FAM167A: variants seen among roughly 807,000 people sequenced by gnomAD.
The protein encoded by FAM167A is family with sequence similarity 167 member A.
Under a neutral mutation model 14.9 loss-of-function variants are expected in FAM167A, and 23 were observed. The observed-to-expected ratio is 1.55, with a 90% CI of 1.11 to 2.19. FAM167A has a LOEUF of 2.19. FAM167A is among the 30% of genes most tolerant of loss of function. FAM167A has a pLI of 0.00. For synonymous variants in FAM167A, 174 were observed against 117.7 expected (o/e 1.48, Z -3.10); for missense variants, 401 against 281.5 (o/e 1.42, Z -3.04).
At chr8:11,447,957 AG>A (rs1206854842) in intron 1 of FAM167A, among the ~76,000 whole-genome samples, 1 of 152,182 alleles carries the variant, frequency 6.6e-6, no homozygotes, top group Admixed American at 6.5e-5. Flanking sequence ...GCACTTTGGG[AG>A]GCCGAGGCGG....
chr8:11,427,306 G>C (rs965278314), intron 2 of FAM167A, among the ~76,000 whole-genome samples: 3 of 152,210 alleles, frequency 2.0e-5, no homozygotes, highest in African/African-American at 4.8e-5. Flanking sequence ...TGGTTTCTCA[G>C]TTGTGACATG....
chr8:11,462,557 C>A (rs1807582833), intron 1 of FAM167A, among the ~76,000 whole-genome samples: 1 of 149,876 alleles, frequency 6.7e-6, no homozygotes, highest in Non-Finnish European at 1.5e-5. Flanking sequence ...CAGCATTTTA[C>A]TGTGAGCTCA....
chr8:11,432,074 C>A (rs1209325674), intron 2 of FAM167A, among the ~76,000 whole-genome samples: 1 of 151,996 alleles, frequency 6.6e-6, no homozygotes. Flanking sequence ...TACTCAACAT[C>A]CCCTGGCTGA....
At chr8:11,429,060 C>A (rs1805385451) in intron 2 of FAM167A, among the ~76,000 whole-genome samples, 2 of 152,138 alleles carry the variant, frequency 1.3e-5, no homozygotes, top group African/African-American at 4.8e-5. Context: ...CAACCACCAT[C>A]CATCTCCAGA....
At chr8:11,442,283 A>C (rs1806486859) in intron 2 of FAM167A, among the ~76,000 whole-genome samples, 2 of 152,146 alleles carry the variant, frequency 1.3e-5, no homozygotes, top group African/African-American at 2.4e-5. Context: ...GCACATGAGA[A>C]GCACGCAGGA....
At chr8:11,455,230 GGTT>G (rs1283746608) in intron 1 of FAM167A, among the ~76,000 whole-genome samples, 1 of 150,488 alleles carries the variant, frequency 6.6e-6, no homozygotes, top group African/African-American at 2.5e-5. Flanking sequence ...ACTGTGGTGG[GGTT>G]GTTGCCTTGC....
At chr8:11,453,715 T>G (rs922471579) in intron 1 of FAM167A, among the ~76,000 whole-genome samples, 4 of 151,966 alleles carry the variant, frequency 2.6e-5, no homozygotes, top group Non-Finnish European at 5.9e-5. Flanking sequence ...GGGAATCAAG[T>G]TGCCCCCCGA....
intron 1 of FAM167A, among the ~76,000 whole-genome samples, chr8:11,461,983 T>G (rs983079142): frequency 2.0e-5 from 3 of 152,208 alleles, no homozygotes; most frequent in Non-Finnish European, 4.4e-5. Flanking sequence ...GGGGTCCCAG[T>G]GTGGCCTCAG....
rs775453862 is a variant in FAM167A at position 11,424,398 on chromosome 8, T to C, written c.620A>G (p.Asn207Ser). 21 of 1,608,386 alleles carry C rather than the reference T, an allele frequency of 1.3e-5. No individual in the cohort carries two copies. The highest frequency in any genetic ancestry group is 2.7e-5 in the African/African-American group (2 of 73,864). The stretch of plus-strand genomic sequence containing the variant: ...TCAGCAGAGAGAGAACCTCCGAGAG[T>C]TGATGTTCATCTTGGTCACGCCAAT... ...KLIGVTKMNI[N>S]SRRFSLC The change falls in exon 3 of 3, where the codon AAC (asparagine) becomes AGC (serine). Residue 207 changes from asparagine to serine, a missense_variant. Transcript: ENST00000284486.
chr8:11,468,988 C>A (rs117530514), upstream of FAM167A, among the ~76,000 whole-genome samples: 108 of 152,230 alleles, frequency 7.1e-4, no homozygotes, highest in Middle Eastern at 6.8e-3. Context: ...GGAGTAGCCT[C>A]AACTCCAAAG....
Position 11,424,541 on chromosome 8 carries a change from G to A in FAM167A, c.477C>T (p.Leu159=), listed in dbSNP as rs1400535162. 4 of 1,614,172 alleles carry A rather than the reference G, an allele frequency of 2.5e-6. No homozygotes were observed. The Admixed American group carries it at 5.0e-5, about 20-fold the overall frequency. ...TGGCATCGTTGAGCATCCTCCTGTG[G>A]AGGCGGCAGGTGTGTTCGATTTTCA... is the stretch of plus-strand genomic sequence containing the variant. ...NKLKIEHTCR[L]HRRMLNDATY... Residue 159 remains leucine, a synonymous_variant, in exon 3 of 3, where the codon CTC becomes CTT. Transcript: ENST00000284486.
At chr8:11,427,101 A>G (rs985008148) in intron 2 of FAM167A, among the ~76,000 whole-genome samples, 10 of 152,186 alleles carry the variant, frequency 6.6e-5, no homozygotes, top group African/African-American at 2.4e-4. Flanking sequence ...TTATCTAGAA[A>G]TAAAATGGGA....
At chr8:11,441,233 G>C (rs1035069980) in intron 2 of FAM167A, among the ~76,000 whole-genome samples, 4 of 152,222 alleles carry the variant, frequency 2.6e-5, no homozygotes, top group Non-Finnish European at 5.9e-5. Context: ...GACAGACACA[G>C]GGCTCAGAGC....
chr8:11,442,415 G>C (rs545810018), intron 2 of FAM167A, among the ~76,000 whole-genome samples: 2 of 152,198 alleles, frequency 1.3e-5, no homozygotes, highest in Admixed American at 6.5e-5. Context: ...CCAGAGTGAG[G>C]AGACTAAAGG....
intron 2 of FAM167A, 149 bp downstream of exon 2, chr8:11,443,882 G>C (rs778442788): frequency 3.2e-5 from 34 of 1,046,934 alleles, no homozygotes; most frequent in Middle Eastern, 2.2e-4. Flanking sequence ...TTCAACTCAC[G>C]GGAAGATTAC....
intron 2 of FAM167A, among the ~76,000 whole-genome samples, chr8:11,430,248 A>G (rs1300130269): frequency 6.6e-6 from 1 of 152,234 alleles, no homozygotes; most frequent in Non-Finnish European, 1.5e-5. Flanking sequence ...GAACTTGTTG[A>G]AAGGGAAGAG....
At chr8:11,429,470 G>C (rs1805420981) in intron 2 of FAM167A, among the ~76,000 whole-genome samples, 1 of 152,214 alleles carries the variant, frequency 6.6e-6, no homozygotes, top group Non-Finnish European at 1.5e-5. Flanking sequence ...GGGGCCCCCT[G>C]GAGGCGGGGA....
chr8:11,423,111 T>G lies in FAM167A; in HGVS notation c.*1262A>C, dbSNP rs1804875009. 6.6e-6 allele frequency: 1 copy of G among 152,514 alleles called. No homozygotes were observed. The highest frequency in any genetic ancestry group is 1.5e-5 in the Non-Finnish European group (1 of 68,022). 9.4% of individuals were successfully genotyped at this position (152,514 alleles called of 1,614,324 possible). ...GTCCTTCTCCTCCCCCAGGTTTCAC[T>G]TTGCTCCTTTACTAATGAGAGGACT... is the stretch of plus-strand genomic sequence containing the variant. On this transcript the variant is annotated 3_prime_UTR_variant, in exon 3 of 3. Transcript: ENST00000284486.
intron 1 of FAM167A, among the ~76,000 whole-genome samples, chr8:11,448,984 TGCAA>T (rs1806909624): frequency 6.6e-6 from 1 of 152,234 alleles, no homozygotes; most frequent in Non-Finnish European, 1.5e-5. Flanking sequence ...TAGGCGTGTG[TGCAA>T]TGTGGAGAGG....
Sources: gnomAD v4.1 joint callset for allele counts (sites outside exome capture counted in the v4.1 genomes callset) on GRCh38, gnomAD v4.1.1 for gene constraint, MANE v1.5 for transcripts, NCBI Gene and HGNC (gene_info 2026-07-23, HGNC 2026-07-21) for gene names.